Variants in CAPS2 observed in about 807,000 individuals in gnomAD.
The protein encoded by CAPS2 is calcyphosin-2.
A neutral mutation model predicts 86.5 loss-of-function variants in CAPS2; 98 were observed. That is an observed-to-expected ratio of 1.13 (90% CI 0.96 to 1.34). The LOEUF is 1.34. Ranked by LOEUF, CAPS2 falls within the 40% of genes most tolerant of loss-of-function variation. The pLI, the probability that CAPS2 is intolerant of heterozygous loss-of-function variation, is 0.00. For synonymous variants in CAPS2, 210 were observed against 225.1 expected (o/e 0.93, Z 0.60); for missense variants, 729 against 686.8 (o/e 1.06, Z -0.69).
intron 16 of CAPS2, among the ~76,000 whole-genome samples, chr12:75,280,412 T>C (rs533748659): frequency 6.6e-6 from 1 of 151,942 alleles, no homozygotes; most frequent in South Asian, 2.1e-4. Context: ...ATTTTTAATA[T>C]GAACGCAAAG....
chr12:75,321,080 A>G (rs1439919296), intron 5 of CAPS2, among the ~76,000 whole-genome samples: 1 of 152,060 alleles, frequency 6.6e-6, no homozygotes, highest in South Asian at 2.1e-4. Flanking sequence ...CAAGACAGCT[A>G]CGTCAACAAA....
At chr12:75,389,602 C>T (rs2045468490) in intron 1 of CAPS2, among the ~76,000 whole-genome samples, 1 of 152,158 alleles carries the variant, frequency 6.6e-6, no homozygotes, top group Non-Finnish European at 1.5e-5. Flanking sequence ...CAGCACTTGC[C>T]ACCTTCACCC....
chr12:75,276,029 A>T, downstream of CAPS2: 1 of 516,218 alleles, frequency 1.9e-6, no homozygotes, highest in Non-Finnish European at 3.2e-6. Flanking sequence ...AAATCAGTTT[A>T]CCTCAGAAGT....
chr12:75,309,592 T>C (rs2038925072), intron 7 of CAPS2, among the ~76,000 whole-genome samples: 1 of 152,232 alleles, frequency 6.6e-6, no homozygotes, highest in Non-Finnish European at 1.5e-5. Flanking sequence ...AAGGGTATCA[T>C]GAACCTTCAA....
chr12:75,375,935 A>C (rs1286698969), intron 1 of CAPS2, among the ~76,000 whole-genome samples: 1 of 152,206 alleles, frequency 6.6e-6, no homozygotes, highest in Non-Finnish European at 1.5e-5. Context: ...GCATACGGAG[A>C]GGAGCAATTG....
intron 4 of CAPS2, chr12:75,322,822 C>T (rs7135867): frequency 0.98 from 548,390 of 559,232 alleles, 269,058 homozygotes; most frequent in East Asian, 1. Flanking sequence ...TTTCCATGTG[C>T]GACAAAATGT....
At position 75,292,613 on chromosome 12, in the gene CAPS2, G is replaced by A. The variant is rs1040061909; in HGVS notation, c.1163+636C>T. Among the ~76,000 whole-genome samples the A allele has an allele frequency of 5.5e-5, 8 of 144,192 alleles. No homozygotes were observed. The Admixed American group carries it at 5.6e-4, about 10-fold the overall frequency. The allele number at this position is 144,192 out of a possible 152,430, so 94.6% of individuals were successfully genotyped here. ...TATATTATATATACATATTATATAT[G>A]TATCTATACATATTATGTATGTATA... On this transcript the variant is annotated intron_variant, in intron 12 of 16. Coordinates refer to ENST00000393284, the Ensembl canonical transcript of CAPS2.
chr12:75,357,273 T>C (rs888777325), intron 1 of CAPS2, among the ~76,000 whole-genome samples: 2 of 152,176 alleles, frequency 1.3e-5, no homozygotes. Context: ...CAGAGATAAA[T>C]TTCACTTCAC....
At chr12:75,334,540 A>C (rs2041570961), upstream of CAPS2, 6 of 1,396,586 alleles carry the variant, frequency 4.3e-6, no homozygotes, top group Non-Finnish European at 5.6e-6. Context: ...GCTTTGTGGA[A>C]GGGGAACCCT....
chr12:75,373,142 T>C (rs1247170257), intron 1 of CAPS2, among the ~76,000 whole-genome samples: 2 of 152,194 alleles, frequency 1.3e-5, no homozygotes, highest in Admixed American at 1.3e-4. Context: ...GCAGTGGCTG[T>C]AGCCAGGTCA....
At chr12:75,328,087 T>C (rs1228329909), upstream of CAPS2, among the ~76,000 whole-genome samples, 1 of 152,016 alleles carries the variant, frequency 6.6e-6, no homozygotes, top group Non-Finnish European at 1.5e-5. Flanking sequence ...ATTCAAAAAT[T>C]CTCCTATAGC....
chr12:75,375,753 G>A (rs547238160), intron 1 of CAPS2, among the ~76,000 whole-genome samples: 20 of 152,192 alleles, frequency 1.3e-4, no homozygotes, highest in African/African-American at 4.8e-4. Flanking sequence ...GTCTACATGA[G>A]TCATACTATT....
intron 4 of CAPS2, chr12:75,322,895 A>C (rs760685423): frequency 4.6e-5 from 36 of 788,298 alleles, no homozygotes; most frequent in African/African-American, 1.8e-5. Context: ...AAAATATTTA[A>C]ACTTGGCAAA....
chr12:75,300,994 T>C (rs1349045919), intron 8 of CAPS2, among the ~76,000 whole-genome samples: 1 of 152,174 alleles, frequency 6.6e-6, no homozygotes, highest in African/African-American at 2.4e-5. Context: ...AGTTCGAACT[T>C]TGTCACAGAT....
intron 12 of CAPS2, among the ~76,000 whole-genome samples, chr12:75,292,908 G>GA (rs904572042): frequency 3.0e-4 from 45 of 151,040 alleles, no homozygotes; most frequent in South Asian, 1.7e-3. Flanking sequence ...ATAACAATGT[G>GA]AAAAAATTGT....
chr12:75,347,782 A>G (rs911339639), intron 1 of CAPS2: 25 of 1,090,336 alleles, frequency 2.3e-5, no homozygotes, highest in Middle Eastern at 4.2e-4. Context: ...TGGTTGCCAA[A>G]TAAGAGGACC....
chr12:75,287,745 A>G (rs1160406422), intron 14 of CAPS2, among the ~76,000 whole-genome samples: 3 of 152,164 alleles, frequency 2.0e-5, no homozygotes, highest in African/African-American at 7.2e-5. Context: ...ACCAGTAAAT[A>G]TAAGTTTTCC....
intron 14 of CAPS2, among the ~76,000 whole-genome samples, chr12:75,286,480 TCAA>T (rs1223444025): frequency 1.1e-4 from 16 of 151,790 alleles, no homozygotes; most frequent in African/African-American, 1.4e-4. Context: ...AACATAATTG[TCAA>T]CAACAAGAAA....
intron 1 of CAPS2, among the ~76,000 whole-genome samples, chr12:75,375,569 G>A (rs533424362): frequency 2.5e-4 from 38 of 152,256 alleles, no homozygotes; most frequent in African/African-American, 8.9e-4. Flanking sequence ...TCTGAAAGTG[G>A]TTCAAGTCTG....
Sources: allele counts gnomAD v4.1 joint callset (sites outside exome capture counted in the v4.1 genomes callset), GRCh38; gene constraint gnomAD v4.1.1; transcripts MANE v1.5; gene names NCBI Gene and HGNC (gene_info 2026-07-23, HGNC 2026-07-21).